The following MOB3B variants were observed in gnomAD, a reference collection of about 807,000 sequenced individuals.
The protein encoded by MOB3B is MOB kinase activator 3B, also known as MOB kinase activator-like 2B.
MOB3B carries 7 observed loss-of-function variants against 18.7 expected under a neutral mutation model. The observed-to-expected ratio is 0.37, with a 90% CI of 0.21 to 0.70. The LOEUF is 0.70. Among genes scored for constraint, MOB3B ranks in the 30% least tolerant of loss-of-function variants. The probability of loss-of-function intolerance (pLI) is 0.52; values close to 1 mark genes in which losing one functional copy is unlikely to be tolerated. For missense variants in MOB3B, 253 were observed against 281.3 expected (o/e 0.90, Z 0.72); for synonymous variants, 111 against 99.9 (o/e 1.11, Z -0.66).
intron 1 of MOB3B, among the ~76,000 whole-genome samples, chr9:27,457,691 GT>G (rs34394960): frequency 0.15 from 22,772 of 149,540 alleles, 1,819 homozygotes; most frequent in African/African-American, 0.18. Flanking sequence ...CGCAAGGTGG[GT>G]TTTTTTTTTC....
intron 2 of MOB3B, among the ~76,000 whole-genome samples, chr9:27,390,999 CTG>C (rs1417113762): frequency 1.3e-5 from 2 of 152,184 alleles, no homozygotes; most frequent in African/African-American, 4.8e-5. Context: ...CTGTGAGAAA[CTG>C]TGTTTACAAG....
At position 27,492,048 on chromosome 9, in the gene MOB3B, G is replaced by T. The variant is rs146422569; in HGVS notation, c.-198-36300C>A. On this transcript the variant is annotated intron_variant, in intron 1 of 3. Transcript: ENST00000262244. ...GAGAATCCTTGTAGTGAAGAAGAAA[G>T]AATTTTGCAAATGAGATTTGAGAGT... Among the ~76,000 whole-genome samples the T allele has an allele frequency of 4.1e-3, 617 of 152,306 alleles. 5 individuals are homozygous for T. Among genetic ancestry groups the T allele is most frequent in the African/African-American group, 0.014 (589 of 41,562 alleles).
chr9:27,395,127 G>A (rs554879869), intron 2 of MOB3B, among the ~76,000 whole-genome samples: 6 of 152,178 alleles, frequency 3.9e-5, no homozygotes, highest in Non-Finnish European at 7.3e-5. Flanking sequence ...TCATTAAGTC[G>A]GGATGTCTTG....
intron 2 of MOB3B, among the ~76,000 whole-genome samples, chr9:27,366,657 C>T (rs1042303729): frequency 3.9e-5 from 6 of 152,162 alleles, no homozygotes; most frequent in South Asian, 4.1e-4. Context: ...TCATCATTTT[C>T]CCTTTTCTTT....
rs1004660515 is a variant in MOB3B at position 27,326,464 on chromosome 9, A to G, written c.*4123T>C. On this transcript the variant is annotated 3_prime_UTR_variant, in exon 4 of 4. Coordinates refer to ENST00000262244, the MANE Select transcript of MOB3B (RefSeq NM_024761.5). ...CACTAGAAAAGATATACTGAAACTC[A>G]AAAAGAATACTTCAGCTCGAGTTGA... 4.0e-5 allele frequency: 16 copies of G among 398,478 alleles called. No individual in the cohort carries two copies. Among genetic ancestry groups the G allele is most frequent in the African/African-American group, 1.9e-4 (9 of 48,636 alleles). 24.7% of individuals were successfully genotyped at this position (398,478 alleles called of 1,614,324 possible).
intron 3 of MOB3B, among the ~76,000 whole-genome samples, chr9:27,350,627 A>G (rs1326244084): frequency 1.3e-5 from 2 of 152,214 alleles, no homozygotes; most frequent in African/African-American, 2.4e-5. Flanking sequence ...CCAGTTACCC[A>G]GCATAAGGCA....
intron 2 of MOB3B, among the ~76,000 whole-genome samples, chr9:27,384,956 G>A (rs972816477): frequency 3.3e-5 from 5 of 152,188 alleles, no homozygotes; most frequent in Non-Finnish European, 7.3e-5. Flanking sequence ...CTCACAATAC[G>A]TAGGTTGGCC....
intron 2 of MOB3B, among the ~76,000 whole-genome samples, chr9:27,381,800 C>A (rs930741265): frequency 3.3e-5 from 5 of 152,160 alleles, no homozygotes; most frequent in Admixed American, 1.3e-4. Flanking sequence ...GAACGCACCA[C>A]CACATCCAGC....
At chr9:27,434,474 T>C (rs1656024319) in intron 2 of MOB3B, among the ~76,000 whole-genome samples, 1 of 152,154 alleles carries the variant, frequency 6.6e-6, no homozygotes, top group African/African-American at 2.4e-5. Context: ...ACAAGTGCTC[T>C]TAGCCACACC....
chr9:27,359,367 G>T, intron 2 of MOB3B, 131 bp from the exon 3 acceptor site: 1 of 469,288 alleles, frequency 2.1e-6, no homozygotes, highest in Non-Finnish European at 3.7e-6. Flanking sequence ...GTCATAGGGA[G>T]TGTGTGTGTG....
chr9:27,385,723 T>G (rs1821642449), intron 2 of MOB3B, among the ~76,000 whole-genome samples: 1 of 152,238 alleles, frequency 6.6e-6, no homozygotes, highest in Admixed American at 6.5e-5. Flanking sequence ...CCCTAATGGA[T>G]TCTGGCAGAG....
chr9:27,358,942 A>G, intron 3 of MOB3B, 92 bp downstream of exon 3: 1 of 1,298,234 alleles, frequency 7.7e-7, no homozygotes, highest in South Asian at 1.2e-5. Context: ...GCTAGCCATC[A>G]ATGAGCATTT....
rs369637737 is a variant in MOB3B at position 27,330,761 on chromosome 9, G to C, written c.622-145C>G. The C allele has an allele frequency of 6.7e-6, 8 of 1,185,828 alleles. No homozygotes were observed. The Admixed American group carries it at 2.3e-4, about 34-fold the overall frequency. 73.5% of individuals were successfully genotyped at this position (1,185,828 alleles called of 1,614,324 possible). A position where few individuals can be genotyped will look rare whatever the true frequency, so the allele number is the denominator to read the frequency against. ...GGTCCATGAATAAGGCTTAGCATGA[G>C]GGTATGTTCCATCTGTTTGTTCTGC... On this transcript the variant is annotated intron_variant, in intron 3 of 3. Coordinates refer to ENST00000262244, the MANE Select transcript of MOB3B (RefSeq NM_024761.5).
intron 1 of MOB3B, among the ~76,000 whole-genome samples, chr9:27,495,867 T>A (rs981646077): frequency 2.6e-5 from 4 of 152,230 alleles, no homozygotes; most frequent in Admixed American, 2.0e-4. Context: ...TTCCCTTTAC[T>A]GTAACACACA....
At chr9:27,411,660 G>T (rs916027798) in intron 2 of MOB3B, among the ~76,000 whole-genome samples, 7 of 152,262 alleles carry the variant, frequency 4.6e-5, no homozygotes, top group Non-Finnish European at 8.8e-5. Flanking sequence ...AACAAAGAAA[G>T]AAATAAATAA....
At chr9:27,414,051 G>C (rs1331209674) in intron 2 of MOB3B, among the ~76,000 whole-genome samples, 1 of 152,184 alleles carries the variant, frequency 6.6e-6, no homozygotes, top group Non-Finnish European at 1.5e-5. Flanking sequence ...AAATATCTTG[G>C]AACATCTCCA....
chr9:27,341,508 T>C (rs1820940972), intron 3 of MOB3B, among the ~76,000 whole-genome samples: 1 of 152,236 alleles, frequency 6.6e-6, no homozygotes. Context: ...CTCACTCCTT[T>C]GGTAGGAACA....
At chr9:27,348,556 G>A (rs1457375249) in intron 3 of MOB3B, among the ~76,000 whole-genome samples, 1 of 152,068 alleles carries the variant, frequency 6.6e-6, no homozygotes, top group African/African-American at 2.4e-5. Flanking sequence ...TGGAGGCTGA[G>A]GCAGGAGAAT....
At chr9:27,380,351 G>A (rs1008915166) in intron 2 of MOB3B, among the ~76,000 whole-genome samples, 16 of 146,092 alleles carry the variant, frequency 1.1e-4, no homozygotes, top group Admixed American at 4.3e-4. Flanking sequence ...TGCAACCTCC[G>A]CCTCAGCCTC....
Sources: allele counts gnomAD v4.1 joint callset (sites outside exome capture counted in the v4.1 genomes callset), GRCh38; gene constraint gnomAD v4.1.1; transcripts MANE v1.5; gene names NCBI Gene and HGNC (gene_info 2026-07-23, HGNC 2026-07-21).